Variants in TDRD12 observed in about 807,000 individuals in gnomAD.
TDRD12 encodes putative ATP-dependent RNA helicase TDRD12.
In TDRD12, 158 loss-of-function variants were observed where a neutral mutation model predicts 133.5. The ratio of observed to expected loss-of-function variants is 1.18; its 90% CI spans 1.04 to 1.35. TDRD12 has a LOEUF of 1.35. Ranked by LOEUF, TDRD12 falls within the 40% of genes most tolerant of loss-of-function variation. TDRD12 has a pLI of 0.00. For synonymous variants in TDRD12, 460 were observed against 477.9 expected (o/e 0.96, Z 0.49); for missense variants, 1,443 against 1,321.3 (o/e 1.09, Z -1.43).
At chr19:32,720,158 G>A (rs1230111566) in intron 1 of TDRD12, 62 bp downstream of exon 1, 17 of 1,143,510 alleles carry the variant, frequency 1.5e-5, no homozygotes, top group South Asian at 1.4e-4. Flanking sequence ...CACCCCAGCC[G>A]CGCACAGCCT....
At chr19:32,735,768 G>A (rs373562338) in intron 2 of TDRD12, among the ~76,000 whole-genome samples, 3 of 152,114 alleles carry the variant, frequency 2.0e-5, no homozygotes, top group Non-Finnish European at 4.4e-5. Context: ...TCAGGAGTTC[G>A]AGACCAGCCT....
exon 21 of TDRD12, chr19:32,803,060 A>T: frequency 6.5e-7 from 1 of 1,536,060 alleles, no homozygotes; most frequent in Non-Finnish European, 8.7e-7. Flanking sequence ...GTACGAGTTC[A>T]CCGCAGGAGT....
chr19:32,758,470 A>G (rs773848648), intron 8 of TDRD12, among the ~76,000 whole-genome samples: 1 of 152,134 alleles, frequency 6.6e-6, no homozygotes, highest in African/African-American at 2.4e-5. Flanking sequence ...CAGTTTCTCA[A>G]TCCAGTCTGT....
exon 14 of TDRD12, chr19:32,794,681 G>C: frequency 1.4e-6 from 1 of 702,950 alleles, no homozygotes; most frequent in Admixed American, 2.0e-5. Flanking sequence ...CTTACTCTTG[G>C]CCTCCCATAG....
intron 27 of TDRD12, among the ~76,000 whole-genome samples, chr19:32,818,445 A>C (rs1325532614): frequency 6.6e-6 from 1 of 152,184 alleles, no homozygotes; most frequent in Admixed American, 6.5e-5. Context: ...TGACTTGAAC[A>C]GAAGATGGTT....
intron 11 of TDRD12, among the ~76,000 whole-genome samples, chr19:32,778,657 G>T (rs1271850188): frequency 1.3e-5 from 2 of 151,890 alleles, no homozygotes; most frequent in East Asian, 3.9e-4. Flanking sequence ...CTGCCACCAC[G>T]TCCAGCTAAT....
chr19:32,742,323 A>C (rs1023005644), intron 3 of TDRD12, among the ~76,000 whole-genome samples: 2 of 151,894 alleles, frequency 1.3e-5, no homozygotes, highest in African/African-American at 4.8e-5. Context: ...CGCCCACCTA[A>C]TTTTTTGTAG....
exon 21 of TDRD12, chr19:32,803,103 G>A: frequency 6.5e-7 from 1 of 1,535,098 alleles, no homozygotes; most frequent in Non-Finnish European, 8.7e-7. Context: ...AAAGCCGGAA[G>A]GCCTCTTTGT....
intron 6 of TDRD12, among the ~76,000 whole-genome samples, chr19:32,751,966 C>T (rs1055099618): frequency 4.6e-5 from 7 of 152,036 alleles, no homozygotes; most frequent in East Asian, 1.9e-4. Context: ...CTCTTCTTCC[C>T]GGGTTCAAGT....
intron 5 of TDRD12, among the ~76,000 whole-genome samples, chr19:32,749,134 A>C (rs574969793): frequency 6.6e-6 from 1 of 152,182 alleles, no homozygotes; most frequent in South Asian, 2.1e-4. Flanking sequence ...CTGTGTCATC[A>C]TCTGGGTAGA....
chr19:32,821,007 T>C, intron 27 of TDRD12, 26 bp from the exon 28 acceptor site: 1 of 1,509,128 alleles, frequency 6.6e-7, no homozygotes, highest in Non-Finnish European at 8.9e-7. Context: ...GAGAGCCAGG[T>C]GTTAACCCCT....
intron 2 of TDRD12, among the ~76,000 whole-genome samples, chr19:32,734,816 G>T (rs1045124769): frequency 6.6e-6 from 1 of 152,034 alleles, no homozygotes; most frequent in Non-Finnish European, 1.5e-5. Context: ...CTCACTTCAT[G>T]TCTCTGTGTC....
intron 6 of TDRD12, among the ~76,000 whole-genome samples, chr19:32,754,826 C>T (rs547081104): frequency 1.3e-5 from 2 of 151,942 alleles, no homozygotes; most frequent in African/African-American, 2.4e-5. Context: ...TATAGGCATG[C>T]GCCACCACGC....
chr19:32,722,580 A>G (rs1968717108), intron 1 of TDRD12, among the ~76,000 whole-genome samples: 2 of 152,132 alleles, frequency 1.3e-5, no homozygotes, highest in South Asian at 2.1e-4. Context: ...TACATACACA[A>G]TGGCATATTA....
At chr19:32,721,096 C>A (rs1041937893) in intron 1 of TDRD12, among the ~76,000 whole-genome samples, 8 of 152,064 alleles carry the variant, frequency 5.3e-5, no homozygotes, top group African/African-American at 1.4e-4. Context: ...CCCTCATGCC[C>A]CCAGTCTCTG....
chr19:32,801,896 C>A, intron 19 of TDRD12, 23 bp downstream of exon 19: 3 of 921,814 alleles, frequency 3.3e-6, no homozygotes, highest in East Asian at 2.9e-5. Context: ...ATTTCTACTT[C>A]TATTTAGTGA....
At chr19:32,798,461 A>C in intron 16 of TDRD12, 26 bp downstream of exon 16, 2 of 1,511,856 alleles carry the variant, frequency 1.3e-6, no homozygotes, top group Non-Finnish European at 1.8e-6. Flanking sequence ...GGTCCTCAGC[A>C]CTCAGAAGAG....
intron 14 of TDRD12, among the ~76,000 whole-genome samples, chr19:32,797,100 C>T (rs1971252623): frequency 1.3e-5 from 2 of 151,754 alleles, no homozygotes; most frequent in Admixed American, 6.6e-5. Context: ...CCTGTCTCAG[C>T]CTCCTGAGTA....
intron 23 of TDRD12, 118 bp from the exon 24 acceptor site, chr19:32,811,092 A>G (rs1050660826): frequency 6.6e-6 from 5 of 756,178 alleles, no homozygotes; most frequent in Admixed American, 5.7e-5. Flanking sequence ...TTTCTAGTAT[A>G]GAGTAAAATC....
Sources: gnomAD v4.1 joint callset for allele counts (sites outside exome capture counted in the v4.1 genomes callset) on GRCh38, gnomAD v4.1.1 for gene constraint, MANE v1.5 for transcripts, NCBI Gene and HGNC (gene_info 2026-07-23, HGNC 2026-07-21) for gene names.